Variants in GNAO1 observed in about 807,000 individuals in gnomAD.
The protein encoded by GNAO1 is guanine nucleotide-binding protein G(o) subunit alpha.
For missense variants in GNAO1, 166 were observed against 478.7 expected (o/e 0.35, Z 6.10); for synonymous variants, 164 against 180.7 (o/e 0.91, Z 0.74).
At chr16:56,251,356 A>G (rs1482104231) in intron 2 of GNAO1, among the ~76,000 whole-genome samples, 3 of 152,176 alleles carry the variant, frequency 2.0e-5, no homozygotes, top group African/African-American at 7.2e-5. Context: ...GAAGTTCTTA[A>G]AACTTCTACA....
At chr16:56,297,722 C>T (rs1205686580) in intron 3 of GNAO1, among the ~76,000 whole-genome samples, 2 of 152,050 alleles carry the variant, frequency 1.3e-5, no homozygotes, top group African/African-American at 2.4e-5. Context: ...AAAAATAACC[C>T]GGCAGTGCTG....
intron 2 of GNAO1, among the ~76,000 whole-genome samples, chr16:56,228,634 T>C (rs1453593165): frequency 3.9e-5 from 6 of 152,202 alleles, no homozygotes; most frequent in African/African-American, 1.4e-4. Context: ...TGTAAGTAAT[T>C]GCATCTCTGC....
chr16:56,259,682 G>A (rs56407816), intron 2 of GNAO1, among the ~76,000 whole-genome samples: 11,037 of 152,330 alleles, frequency 0.072, 544 homozygotes, highest in Non-Finnish European at 0.11. Flanking sequence ...GCTGGGAGTG[G>A]TCTGCAGAAG....
intron 2 of GNAO1, among the ~76,000 whole-genome samples, chr16:56,249,623 G>A (rs534475137): frequency 6.6e-5 from 10 of 152,208 alleles, no homozygotes; most frequent in Non-Finnish European, 8.8e-5. Context: ...AAACCATACC[G>A]GAAATTATGA....
At chr16:56,232,462 G>A (rs2036598128) in intron 2 of GNAO1, among the ~76,000 whole-genome samples, 2 of 152,180 alleles carry the variant, frequency 1.3e-5, no homozygotes, top group East Asian at 1.9e-4. Flanking sequence ...AGAAAATGCT[G>A]CCTGCTACAA....
intron 2 of GNAO1, among the ~76,000 whole-genome samples, chr16:56,203,599 C>T (rs924516409): frequency 6.6e-6 from 1 of 152,044 alleles, no homozygotes; most frequent in African/African-American, 2.4e-5. Context: ...AGAGAGGGAG[C>T]CAGAAAGACA....
chr16:56,275,341 T>C (rs886656401), intron 2 of GNAO1, among the ~76,000 whole-genome samples: 2 of 152,238 alleles, frequency 1.3e-5, no homozygotes, highest in African/African-American at 2.4e-5. Context: ...TCTTTGTCCC[T>C]GTTCAGATCC....
At chr16:56,324,727 C>T (rs559974070) in intron 3 of GNAO1, among the ~76,000 whole-genome samples, 2 of 152,336 alleles carry the variant, frequency 1.3e-5, no homozygotes, top group Admixed American at 6.5e-5. Context: ...CCAGTGAGGG[C>T]GAAGTCAGAC....
intron 6 of GNAO1, chr16:56,347,953 C>A: frequency 1.0e-6 from 1 of 965,870 alleles, no homozygotes; most frequent in Non-Finnish European, 1.2e-6. Context: ...CCTCCCCACG[C>A]ACCCCCCTCC....
At chr16:56,249,950 G>C (rs1171396331) in intron 2 of GNAO1, among the ~76,000 whole-genome samples, 2 of 152,160 alleles carry the variant, frequency 1.3e-5, no homozygotes, top group Non-Finnish European at 2.9e-5. Flanking sequence ...TACATGATGT[G>C]CTTCTGCCAA....
chr16:56,205,994 C>G (rs1482676931), intron 2 of GNAO1, among the ~76,000 whole-genome samples: 1 of 152,028 alleles, frequency 6.6e-6, no homozygotes, highest in Non-Finnish European at 1.5e-5. Flanking sequence ...CTCTAGACCA[C>G]AGGGAGGGAA....
At chr16:56,225,406 G>A (rs2036525081) in intron 2 of GNAO1, among the ~76,000 whole-genome samples, 1 of 152,202 alleles carries the variant, frequency 6.6e-6, no homozygotes, top group African/African-American at 2.4e-5. Context: ...ATGGTTTACT[G>A]CAGGTATGAC....
intron 3 of GNAO1, among the ~76,000 whole-genome samples, chr16:56,296,605 G>T (rs1330580140): frequency 6.6e-6 from 1 of 152,168 alleles, no homozygotes; most frequent in Admixed American, 6.5e-5. Context: ...AGGCTATTCA[G>T]GGTGCCTCTG....
intron 2 of GNAO1, among the ~76,000 whole-genome samples, chr16:56,271,299 T>C (rs1466420223): frequency 2.6e-5 from 4 of 152,190 alleles, no homozygotes; most frequent in African/African-American, 4.8e-5. Context: ...ATAATTTATC[T>C]CCTAGAATTG....
intron 3 of GNAO1, among the ~76,000 whole-genome samples, chr16:56,325,623 C>G (rs1282724475): frequency 2.0e-5 from 3 of 152,104 alleles, no homozygotes; most frequent in African/African-American, 7.2e-5. Context: ...AGGACTCGTG[C>G]GGTCTGAAAC....
At chr16:56,239,888 A>G (rs2143423356) in intron 2 of GNAO1, among the ~76,000 whole-genome samples, 1 of 152,318 alleles carries the variant, frequency 6.6e-6, no homozygotes, top group South Asian at 2.1e-4. Context: ...GGCAGAGGCT[A>G]TAGCATTGCC....
intron 2 of GNAO1, among the ~76,000 whole-genome samples, chr16:56,232,777 C>T (rs1268150935): frequency 6.6e-6 from 1 of 152,168 alleles, no homozygotes; most frequent in African/African-American, 2.4e-5. Flanking sequence ...TAGGCCTCCT[C>T]AAAAGGGGTT....
chr16:56,274,415 G>A lies in GNAO1; in HGVS notation c.162-1516G>A, dbSNP rs140519798. On this transcript the variant is annotated intron_variant, in intron 2 of 8. Coordinates refer to ENST00000262493, the MANE Select transcript of GNAO1 (RefSeq NM_020988.3). ...ACTGGACTTAGGAATAATGAAAGTC[G>A]ACAGAAAGTTAATAGGGTCATTCTG... is the stretch of plus-strand genomic sequence containing the variant. Among the ~76,000 whole-genome samples, 380 of 152,278 alleles carry A rather than the reference G, an allele frequency of 2.5e-3. 1 individual carries two copies. The highest frequency in any genetic ancestry group is 8.8e-3 in the African/African-American group (364 of 41,556).
chr16:56,290,337 G>A (rs1322484333), intron 3 of GNAO1, among the ~76,000 whole-genome samples: 2 of 152,198 alleles, frequency 1.3e-5, no homozygotes, highest in African/African-American at 4.8e-5. Context: ...GGGCCTATAT[G>A]ACTTCAGTTG....
Sources: allele counts gnomAD v4.1 joint callset (sites outside exome capture counted in the v4.1 genomes callset), GRCh38; gene constraint gnomAD v4.1.1; transcripts MANE v1.5; gene names NCBI Gene and HGNC (gene_info 2026-07-23, HGNC 2026-07-21).